GLB1: variants seen among roughly 807,000 people sequenced by gnomAD.
GLB1 encodes the protein galactosidase beta 1, also known as beta-galactosidase.
In GLB1, 56 loss-of-function variants were observed where a neutral mutation model predicts 74.0. The ratio of observed to expected loss-of-function variants is 0.76; its 90% CI spans 0.61 to 0.94. GLB1 has a LOEUF of 0.94. Among genes scored for constraint, GLB1 ranks in the 40% least tolerant of loss-of-function variants. The pLI is 0.00. For missense variants in GLB1, 787 were observed against 845.5 expected (o/e 0.93, Z 0.86); for synonymous variants, 323 against 323.6 (o/e 1.00, Z 0.02).
At chr3:33,095,399 G>A (rs1240164978) in intron 1 of GLB1, among the ~76,000 whole-genome samples, 1 of 151,974 alleles carries the variant, frequency 6.6e-6, no homozygotes, top group Non-Finnish European at 1.5e-5. Flanking sequence ...GATGGCGGGC[G>A]CCTGTAGTCC....
rs1697093517 is a variant in GLB1, at chr3:33,013,048, C to CAA, written c.1734+1006_1734+1007dup. Among the ~76,000 whole-genome samples the CAA allele has an allele frequency of 2.0e-5, 3 of 152,346 alleles. No individual in the cohort carries two copies. The South Asian group carries it at 6.2e-4, about 32-fold the overall frequency. On this transcript the variant is annotated intron_variant, in intron 15 of 15. Coordinates refer to ENST00000307363, the MANE Select transcript of GLB1 (RefSeq NM_000404.4). ...GCTTCAATGGCTCTCAACACAAAGA[C>CAA]AAAACTTTAACGTGGCCTATAAGGC...
intron 1 of GLB1, among the ~76,000 whole-genome samples, chr3:33,075,123 T>C (rs555123542): frequency 6.6e-6 from 1 of 152,354 alleles, no homozygotes; most frequent in East Asian, 1.9e-4. Flanking sequence ...AATTATTTCT[T>C]ACACCAGGTG....
At chr3:33,091,466 G>C (rs946915151) in intron 1 of GLB1, 1 of 985,364 alleles carries the variant, frequency 1.0e-6, no homozygotes, top group African/African-American at 1.7e-5. Flanking sequence ...ACATTCCCCA[G>C]GACTGGCTGC....
At position 33,058,096 on chromosome 3, in the gene GLB1, A is replaced by G; in HGVS notation, c.726T>C (p.Phe242=). The change falls in exon 6 of 16, where the codon TTT becomes TTC. Residue 242 remains phenylalanine, a synonymous_variant. Coordinates refer to ENST00000307363, the MANE Select transcript of GLB1 (RefSeq NM_000404.4). ...ALQGLYTTVD[F]GTGSNITDAF... ...GTTACTACAAACACCAACCTGTTCC[A>G]AAGTCCACCGTGGTGTAGAGGCCCT... 1.2e-6 allele frequency: 2 copies of G among 1,613,704 alleles called. No individual in the cohort carries two copies. Among genetic ancestry groups the G allele is most frequent in the Non-Finnish European group, 1.7e-6 (2 of 1,180,042 alleles).
At chr3:33,091,684 T>C (rs1246616036) in intron 1 of GLB1, 1 of 985,132 alleles carries the variant, frequency 1.0e-6, no homozygotes, top group African/African-American at 1.7e-5. Context: ...CAAGGCTGAG[T>C]GAGGGAAAGT....
intron 1 of GLB1, chr3:33,091,433 A>G: frequency 1.0e-6 from 1 of 985,536 alleles, no homozygotes; most frequent in Non-Finnish European, 1.2e-6. Flanking sequence ...CTGCCCCAGC[A>G]GCAGGCAGCT....
At chr3:33,046,377 C>T in intron 9 of GLB1, 145 bp from the exon 10 acceptor site, 1 of 915,398 alleles carries the variant, frequency 1.1e-6, no homozygotes. Context: ...ACGTGACCCT[C>T]AGGATGCAAC....
At chr3:33,049,878 T>C (rs2125519515) in intron 9 of GLB1, among the ~76,000 whole-genome samples, 1 of 152,280 alleles carries the variant, frequency 6.6e-6, no homozygotes, top group East Asian at 1.9e-4. Context: ...AGTATTAAAA[T>C]TGATAATGCT....
chr3:33,012,580 C>T (rs1401436463), intron 15 of GLB1, among the ~76,000 whole-genome samples: 1 of 152,172 alleles, frequency 6.6e-6, no homozygotes, highest in African/African-American at 2.4e-5. Flanking sequence ...AAATAAATGC[C>T]TGTTGTTTAT....
At position 33,068,946 on chromosome 3, in the gene GLB1, C is replaced by T. The variant is rs749743340; in HGVS notation, c.270G>A (p.Glu90=). The T allele has an allele frequency of 1.2e-6, 2 of 1,614,164 alleles. No individual in the cohort carries two copies. The highest frequency in any genetic ancestry group is 1.7e-6 in the Non-Finnish European group (2 of 1,180,026). The change falls in exon 3 of 16, where the codon GAG becomes GAA. Residue 90 remains glutamate (E), a synonymous_variant. Transcript: ENST00000307363. ...IQTYVPWNFH[E]PWPGQYQFSE... ...AAAACTGGTACTGTCCTGGCCAGGG[C>T]TCATGAAAGTTCCAGGGCACATACC... is the stretch of plus-strand genomic sequence containing the variant.
chr3:32,991,007 A>G, the GLB1 span, among the ~76,000 whole-genome samples: 1 of 152,144 alleles, frequency 6.6e-6, no homozygotes, highest in Non-Finnish European at 1.5e-5. Flanking sequence ...CGTATTGCTT[A>G]GTAAAAATTA....
Position 33,074,039 on chromosome 3 carries a change from A to G in GLB1, c.76-1326T>C, listed in dbSNP as rs1255238482. ...ACATTGTCTCAAAAAAAAAAAAAAA[A>G]GGCAAGAAAGAAAATAGAGGCTGGG... On this transcript the variant is annotated intron_variant, in intron 1 of 15. Coordinates refer to ENST00000307363, the MANE Select transcript of GLB1 (RefSeq NM_000404.4). 3.3e-5 allele frequency among the ~76,000 whole-genome samples: 5 copies of G among 149,800 alleles called. No homozygotes were observed. In the East Asian group the frequency reaches 7.9e-4, roughly 24 times the overall value.
At chr3:32,990,638 A>G in the GLB1 span, among the ~76,000 whole-genome samples, 1 of 152,162 alleles carries the variant, frequency 6.6e-6, no homozygotes, top group East Asian at 1.9e-4. Flanking sequence ...TCCCCAGAAA[A>G]GAGGTCAGGT....
Position 33,049,703 on chromosome 3 carries a change from A to T in GLB1, c.955+2055T>A, listed in dbSNP as rs537959455. Among the ~76,000 whole-genome samples the T allele has an allele frequency of 3.3e-5, 5 of 152,248 alleles. No homozygotes were observed. The East Asian group carries it at 7.7e-4, about 24-fold the overall frequency. ...AGTGCCGGGATTACAGGCGTGAGCCACCGCACCCAGCCTGGTCACCTAGGT... is the reference window on the plus strand; with the variant it reads ...AGTGCCGGGATTACAGGCGTGAGCCTCCGCACCCAGCCTGGTCACCTAGGT... On this transcript the variant is annotated intron_variant, in intron 9 of 15. Coordinates refer to ENST00000307363, the MANE Select transcript of GLB1 (RefSeq NM_000404.4).
intron 10 of GLB1, among the ~76,000 whole-genome samples, chr3:33,036,537 C>T (rs768719842): frequency 5.9e-5 from 9 of 152,074 alleles, no homozygotes; most frequent in Non-Finnish European, 8.8e-5. Context: ...AGAGGAATGA[C>T]AAGCAGAGAC....
At chr3:33,007,487 T>C (rs1696836865) in intron 15 of GLB1, among the ~76,000 whole-genome samples, 1 of 152,234 alleles carries the variant, frequency 6.6e-6, no homozygotes, top group Admixed American at 6.5e-5. Flanking sequence ...GTGACTGGCG[T>C]CTTTCATTAG....
In GLB1 at chr3:33,018,432, C is replaced by T; in HGVS notation, c.1347+16G>A. 1 of 1,607,610 alleles carries T rather than the reference C, an allele frequency of 6.2e-7. No individual in the cohort carries two copies. Among genetic ancestry groups the T allele is most frequent in the Non-Finnish European group, 8.5e-7 (1 of 1,176,270 alleles). On this transcript the variant is annotated intron_variant, in intron 13 of 15. Transcript: ENST00000307363. ...CCTCACTGGGACAAAACGCACAGTT[C>T]AGAGACGATTCTTACCCCATCCACA...
At chr3:33,063,047 C>G (rs1202114291) in intron 5 of GLB1, among the ~76,000 whole-genome samples, 1 of 152,078 alleles carries the variant, frequency 6.6e-6, no homozygotes, top group African/African-American at 2.4e-5. Context: ...GAAAGTCCTA[C>G]GGAAGCCAAT....
In GLB1 at chr3:33,093,799, A is replaced by C; in HGVS notation, c.75+3212T>G. 1.2e-6 allele frequency: 2 copies of C among 1,613,524 alleles called. No homozygotes were observed. The highest frequency in any genetic ancestry group is 1.7e-6 in the Non-Finnish European group (2 of 1,179,714). Reference sequence around the variant, plus strand: ...GCCTGCTCCATGCCGCTGAGGATGAAGAGGAAGAAGAGCATGATGATGTAA... The same window carrying C: ...GCCTGCTCCATGCCGCTGAGGATGACGAGGAAGAAGAGCATGATGATGTAA... On this transcript the variant is annotated intron_variant, in intron 1 of 15. Coordinates refer to ENST00000307363, the MANE Select transcript of GLB1 (RefSeq NM_000404.4). The surrounding 1 kb of genome is among the most constrained non-coding windows in gnomAD (Gnocchi z 6.0).
Sources: gnomAD v4.1 joint callset for allele counts (sites outside exome capture counted in the v4.1 genomes callset) on GRCh38, gnomAD v4.1.1 for gene constraint, Gnocchi (gnomAD v3.1) non-coding constraint, MANE v1.5 for transcripts, NCBI Gene and HGNC (gene_info 2026-07-23, HGNC 2026-07-21) for gene names.